LPA: variants seen among roughly 807,000 people sequenced by gnomAD.
LPA encodes the protein apolipoprotein(a).
A neutral mutation model predicts 197.9 loss-of-function variants in LPA; 199 were observed. The ratio of observed to expected loss-of-function variants is 1.01; its 90% CI spans 0.90 to 1.13. LPA has a LOEUF of 1.13. Ranked by LOEUF, LPA falls within the 50% of genes most tolerant of loss-of-function variation. The probability of loss-of-function intolerance (pLI) is 0.00; values close to 1 mark genes in which losing one functional copy is unlikely to be tolerated. For synonymous variants in LPA, 715 were observed against 639.5 expected (o/e 1.12, Z -1.78); for missense variants, 1,853 against 1,785.8 (o/e 1.04, Z -0.68).
intron 18 of LPA, among the ~76,000 whole-genome samples, chr6:160,603,395 A>C (rs1397131713): frequency 6.6e-6 from 1 of 152,144 alleles, no homozygotes; most frequent in Non-Finnish European, 1.5e-5. Context: ...ATCTCACTCC[A>C]TTGGGAATAC....
Position 160,589,594 on chromosome 6 carries a change from T to A in LPA, c.3906A>T (p.Thr1302=), listed in dbSNP as rs11759364. The change falls in exon 24 of 39, where the codon ACA becomes ACT. Residue 1302 remains threonine (T), a synonymous_variant. Coordinates refer to ENST00000316300, the MANE Select transcript of LPA (RefSeq NM_005577.4). The part of the protein sequence containing the change: ...GRTCQSWSSM[T]PHWHQRTTEY... ...CTGTGGTTCTCTGATGCCAGTGTGG[T>A]GTCATAGAGGACCAAGACTGACATG... 2.6e-4 allele frequency: 422 copies of A among 1,613,770 alleles called. 2 individuals are homozygous for A. Among genetic ancestry groups the A allele is most frequent in the Middle Eastern group, 1.6e-4 (1 of 6,078 alleles).
intron 28 of LPA, among the ~76,000 whole-genome samples, chr6:160,575,953 T>C (rs1778646604): frequency 6.6e-6 from 1 of 152,250 alleles, no homozygotes; most frequent in African/African-American, 2.4e-5. Flanking sequence ...AACTCTGGTG[T>C]CTCTCAGTTC....
In LPA at chr6:160,605,011, C is replaced by G. The variant is rs758596677; in HGVS notation, c.2945+35G>C. The G allele has an allele frequency of 4.3e-6, 7 of 1,612,036 alleles. No homozygotes were observed. The Admixed American group carries it at 1.0e-4, about 23-fold the overall frequency. ...TCTACTAACAGAAATTTCCACTGAC[C>G]CTTCCTTCACTTATGGTAAAGAAAA... On this transcript the variant is annotated intron_variant, in intron 18 of 38. Coordinates refer to ENST00000316300, the MANE Select transcript of LPA (RefSeq NM_005577.4).
Position 160,611,446 on chromosome 6 carries a change from T to C in LPA, c.2603+116A>G, listed in dbSNP as rs114018303. The C allele has an allele frequency of 7.3e-4, 1,118 of 1,525,940 alleles. 13 individuals carry two copies. In the African/African-American group the frequency reaches 0.013, roughly 18 times the overall value. The allele number at this position is 1,525,940 out of a possible 1,614,324, so 94.5% of individuals were successfully genotyped here. On this transcript the variant is annotated intron_variant, in intron 16 of 38. Transcript: ENST00000316300. The stretch of plus-strand genomic sequence containing the variant: ...AGGAAATCATCCTGAGACATTTTGC[T>C]ACACCATCTGAATCTGACACAAGTT...
rs777302965 is a variant in LPA at position 160,540,182 on chromosome 6, A to C, written c.5596T>G (p.Ser1866Ala). The C allele has an allele frequency of 3.7e-6, 6 of 1,614,134 alleles. No homozygotes were observed. The highest frequency in any genetic ancestry group is 4.2e-6 in the Non-Finnish European group (5 of 1,180,030). ...VLTAAHCLKKSSRPSSYKVIL... is the reference protein window; with the variant it reads ...VLTAAHCLKKASRPSSYKVIL... The stretch of plus-strand genomic sequence containing the variant: ...ACCTTGTAGGATGAAGGCCTTGAGG[A>C]CCTAGAAAAGATGAGGATGTCAAGA... The change falls in exon 36 of 39, where the codon TCC (serine) becomes GCC (alanine). Residue 1866 changes from serine to alanine, a missense_variant and splice_region_variant. Physicochemically the swap from Ser to Ala is moderately conservative, Grantham distance 99 (BLOSUM62 1). Coordinates refer to ENST00000316300, the MANE Select transcript of LPA (RefSeq NM_005577.4).
intron 30 of LPA, among the ~76,000 whole-genome samples, chr6:160,555,554 T>G (rs569595212): frequency 6.7e-6 from 1 of 149,642 alleles, no homozygotes; most frequent in South Asian, 2.1e-4. Context: ...TGAACATATA[T>G]ATGTATATAT....
intron 30 of LPA, among the ~76,000 whole-genome samples, chr6:160,549,998 G>A (rs1778142394): frequency 6.6e-6 from 1 of 152,246 alleles, no homozygotes; most frequent in Non-Finnish European, 1.5e-5. Flanking sequence ...CAAGGCGGGT[G>A]GATCACGAGG....
intron 1 of LPA, among the ~76,000 whole-genome samples, chr6:160,651,778 T>C (rs1006033009): frequency 6.6e-6 from 1 of 152,104 alleles, no homozygotes; most frequent in Admixed American, 6.6e-5. Context: ...TGTTAAAGAA[T>C]CTTGTGGTAA....
At position 160,585,170 on chromosome 6, in the gene LPA, A is replaced by G; in HGVS notation, c.4165T>C (p.Tyr1389His). ...TENSTGVQDC[Y>H]RGDGQSYRGT... The stretch of plus-strand genomic sequence containing the variant: ...CGATAACTCTGTCCATCACCTCGGT[A>G]GCAGTCCTGGACCCCAGTGCTGTTT... The change falls in exon 26 of 39, where the codon TAC (tyrosine) becomes CAC (histidine). Residue 1389 changes from tyrosine to histidine, a missense_variant. Tyr to His is a moderately conservative substitution (Grantham distance 83, BLOSUM62 2). Around this residue, in one of 3 missense-constraint regions of LPA, gnomAD observed 1,737 missense variants for 1,504.4 expected, o/e 1.15. Coordinates refer to ENST00000316300, the MANE Select transcript of LPA (RefSeq NM_005577.4). The G allele has an allele frequency of 6.2e-7, 1 of 1,613,732 alleles. No individual in the cohort carries two copies. Among genetic ancestry groups the G allele is most frequent in the Non-Finnish European group, 8.5e-7 (1 of 1,179,814 alleles).
intron 16 of LPA, among the ~76,000 whole-genome samples, chr6:160,611,123 C>T (rs1170508242): frequency 6.6e-6 from 1 of 152,066 alleles, no homozygotes; most frequent in Non-Finnish European, 1.5e-5. Flanking sequence ...GAAATAGAAA[C>T]AGATCAATTC....
chr6:160,590,186 G>A (rs1351729050), intron 23 of LPA, among the ~76,000 whole-genome samples: 1 of 152,146 alleles, frequency 6.6e-6, no homozygotes, highest in East Asian at 1.9e-4. Flanking sequence ...CCTCCATCTA[G>A]GACTTCCAGG....
intron 26 of LPA, 53 bp downstream of exon 26, chr6:160,584,993 A>C: frequency 2.5e-6 from 4 of 1,590,762 alleles, no homozygotes; most frequent in Non-Finnish European, 3.4e-6. Flanking sequence ...GGGCCAGCTA[A>C]GAGAAATTTT....
intron 28 of LPA, among the ~76,000 whole-genome samples, chr6:160,565,436 C>T (rs1412627899): frequency 1.3e-5 from 2 of 152,216 alleles, no homozygotes; most frequent in Non-Finnish European, 2.9e-5. Flanking sequence ...CTCCAGCAAA[C>T]TCCAACAGAC....
chr6:160,656,976 CT>C (rs1166704453), intron 1 of LPA, among the ~76,000 whole-genome samples: 2 of 152,186 alleles, frequency 1.3e-5, no homozygotes, highest in Admixed American at 6.5e-5. Context: ...ATTCTGATGG[CT>C]GCTTTGCCTC....
chr6:160,648,295 A>T (rs1779940593), intron 2 of LPA, among the ~76,000 whole-genome samples: 1 of 152,132 alleles, frequency 6.6e-6, no homozygotes, highest in African/African-American at 2.4e-5. Flanking sequence ...GCCCTCTGAC[A>T]GTTGAACTGC....
chr6:160,544,490 T>C (rs577671014), intron 33 of LPA, among the ~76,000 whole-genome samples: 8 of 152,260 alleles, frequency 5.3e-5, no homozygotes, highest in East Asian at 1.9e-4. Context: ...TTCTTCCCTC[T>C]TGCTCTCCCC....
Position 160,548,419 on chromosome 6 carries a change from C to G in LPA, c.5155+59G>C, listed in dbSNP as rs562138975. On this transcript the variant is annotated intron_variant, in intron 31 of 38. Coordinates refer to ENST00000316300, the MANE Select transcript of LPA (RefSeq NM_005577.4). ...GTGTGGTTTTTCATGTCTTTTCATC[C>G]CGTTGTCCAAGCACATAGAGAGGTA... 15 of 1,560,186 alleles carry G rather than the reference C, an allele frequency of 9.6e-6. No individual in the cohort carries two copies. In the East Asian group the frequency reaches 3.1e-4, roughly 33 times the overall value.
chr6:160,606,955 C>T (rs1176546661), intron 16 of LPA, among the ~76,000 whole-genome samples: 2 of 152,126 alleles, frequency 1.3e-5, no homozygotes, highest in African/African-American at 4.8e-5. Flanking sequence ...CTCCTTCTGC[C>T]TTCTGCCCAA....
At position 160,594,106 on chromosome 6, in the gene LPA, G is replaced by A; in HGVS notation, c.3481C>T (p.Gln1161Ter). Reference protein sequence around the residue: ...EASSEEAPTEQSPGVQDCYHG... With the variant: ...EASSEEAPTE ...TAGCAATCCTGGACCCCGGGGCTTTGCTCCGTTGGTGCTGAAATTCAAAGA... is the reference window on the plus strand; with the variant it reads ...TAGCAATCCTGGACCCCGGGGCTTTACTCCGTTGGTGCTGAAATTCAAAGA... Residue 1161 changes from glutamine to a stop codon, truncating the protein, a stop_gained, in exon 22 of 39, where the codon CAA becomes TAA. Transcript: ENST00000316300. LOFTEE classifies it high-confidence loss of function. 6.2e-7 allele frequency: 1 copy of A among 1,613,850 alleles called. No homozygotes were observed. The highest frequency in any genetic ancestry group is 8.5e-7 in the Non-Finnish European group (1 of 1,179,816).
Sources: allele counts gnomAD v4.1 joint callset (sites outside exome capture counted in the v4.1 genomes callset), GRCh38; gene constraint gnomAD v4.1.1; regional missense constraint gnomAD v4.1.1; transcripts MANE v1.5; gene names NCBI Gene and HGNC (gene_info 2026-07-23, HGNC 2026-07-21).